SLC35F5: variants seen among roughly 807,000 people sequenced by gnomAD.
SLC35F5 encodes solute carrier family 35 member F5.
Under a neutral mutation model 68.6 loss-of-function variants are expected in SLC35F5, and 54 were observed. That is an observed-to-expected ratio of 0.79 (90% CI 0.63 to 0.99). SLC35F5 has a LOEUF of 0.99. Ranked by LOEUF, SLC35F5 falls within the 50% of genes least tolerant of loss-of-function variation. The pLI, the probability that SLC35F5 is intolerant of heterozygous loss-of-function variation, is 0.00. For synonymous variants in SLC35F5, 211 were observed against 205.2 expected, an observed-to-expected ratio of 1.03 and a Z score of -0.24; for missense variants, 567 against 626.9, an observed-to-expected ratio of 0.90 and a Z score of 1.02.
Position 113,710,712 on chromosome 2 carries a change from G to GT in SLC35F5, c.*4505dup, listed in dbSNP as rs1006499908. ...GATGGCTTGAGCTTGGGAGGTTGCA[G>GT]TGAGCCAAGATCCTGCCACTGCACT... On this transcript the variant is annotated 3_prime_UTR_variant, in exon 16 of 16. Coordinates refer to ENST00000245680, the MANE Select transcript of SLC35F5 (RefSeq NM_025181.5). 1.3e-5 allele frequency among the ~76,000 whole-genome samples: 2 copies of GT among 151,992 alleles called. No homozygotes were observed. Among genetic ancestry groups the GT allele is most frequent in the African/African-American group, 4.8e-5 (2 of 41,376 alleles).
At chr2:113,719,506 A>C (rs1687340170) in intron 13 of SLC35F5, 198 bp from the exon 14 acceptor site, 2 of 439,420 alleles carry the variant, frequency 4.6e-6, no homozygotes, top group Admixed American at 8.7e-5. Flanking sequence ...CATGCACCTA[A>C]ATTACCAACA....
At position 113,710,735 on chromosome 2, in the gene SLC35F5, A is replaced by C. The variant is rs1686956324; in HGVS notation, c.*4483T>G. On this transcript the variant is annotated 3_prime_UTR_variant, in exon 16 of 16. Coordinates refer to ENST00000245680, the MANE Select transcript of SLC35F5 (RefSeq NM_025181.5). ...CAGTGAGCCAAGATCCTGCCACTGC[A>C]CTCCAGCCTGGGTGACAGAGTGAGA... Among the ~76,000 whole-genome samples, 1 of 151,510 alleles carries C rather than the reference A, an allele frequency of 6.6e-6. No homozygotes were observed. Among genetic ancestry groups the C allele is most frequent in the Non-Finnish European group, 1.5e-5 (1 of 67,940 alleles).
At chr2:113,750,675 T>C (rs1676699866) in intron 3 of SLC35F5, 107 bp from the exon 4 acceptor site, 2 of 1,030,662 alleles carry the variant, frequency 1.9e-6, no homozygotes, top group Non-Finnish European at 2.7e-6. Context: ...GAAGTTCACT[T>C]GGAAAGAAAA....
intron 4 of SLC35F5, among the ~76,000 whole-genome samples, chr2:113,746,956 T>A (rs1676513508): frequency 6.8e-6 from 1 of 146,890 alleles, no homozygotes; most frequent in Non-Finnish European, 1.5e-5. Context: ...GTAAGAAACA[T>A]CTTGGTATTA....
downstream of SLC35F5, among the ~76,000 whole-genome samples, chr2:113,704,322 C>G (rs1047090155): frequency 6.6e-6 from 1 of 152,246 alleles, no homozygotes; most frequent in African/African-American, 2.4e-5. Context: ...CAAAGGTTCT[C>G]CAAGTCCCCA....
downstream of SLC35F5, among the ~76,000 whole-genome samples, chr2:113,704,707 CCCG>C (rs1347890411): frequency 6.6e-6 from 1 of 151,960 alleles, no homozygotes; most frequent in African/African-American, 2.4e-5. Context: ...GAGTGCGGGG[CCCG>C]CCGAGCCCAC....
At chr2:113,751,492 T>C (rs1574272663) in intron 3 of SLC35F5, among the ~76,000 whole-genome samples, 2 of 152,108 alleles carry the variant, frequency 1.3e-5, no homozygotes, top group Non-Finnish European at 2.9e-5. Context: ...TAAATGGTGG[T>C]CCACGCCATT....
At chr2:113,723,305 T>A in intron 12 of SLC35F5, 111 bp from the exon 13 acceptor site, 1 of 532,530 alleles carries the variant, frequency 1.9e-6, no homozygotes, top group Non-Finnish European at 3.1e-6. Flanking sequence ...GGAGCAAAGA[T>A]AAGAGGCTAG....
downstream of SLC35F5, among the ~76,000 whole-genome samples, chr2:113,704,498 C>T (rs576691086): frequency 1.3e-5 from 2 of 152,298 alleles, no homozygotes; most frequent in South Asian, 4.1e-4. Flanking sequence ...CAGGAGCCCA[C>T]GGAGCTGGGA....
In SLC35F5 at chr2:113,746,296, G is replaced by C. The variant is rs147851917; in HGVS notation, c.461C>G (p.Thr154Arg). 5.0e-6 allele frequency: 8 copies of C among 1,613,006 alleles called. No individual in the cohort carries two copies. The highest frequency in any genetic ancestry group is 1.3e-5 in the African/African-American group (1 of 74,914). The change falls in exon 5 of 16, where the codon ACA becomes AGA. Residue 154 changes from threonine to arginine, a missense_variant. Transcript: ENST00000245680. ...EGYFAACTTD[T>R]TMNSSLSEPL... is the part of the protein sequence containing the mutation. ...ACTTACCAAAGAACTATTCATAGTT[G>C]TATCTGTTGTGCAAGCAGCAAAGTA...
chr2:113,725,572 G>A, intron 11 of SLC35F5, 35 bp from the exon 12 acceptor site: 1 of 1,513,752 alleles, frequency 6.6e-7, no homozygotes, highest in African/African-American at 1.4e-5. Context: ...AGTTAAAATT[G>A]ATTTATTTCT....
chr2:113,755,875 A>C lies in SLC35F5; in HGVS notation c.41-331T>G, dbSNP rs1255113618. 4 of 1,550,650 alleles carry C rather than the reference A, an allele frequency of 2.6e-6. No individual in the cohort carries two copies. In the South Asian group the frequency reaches 4.8e-5, roughly 18 times the overall value. On this transcript the variant is annotated intron_variant, in intron 1 of 15. Transcript: ENST00000245680. The stretch of plus-strand genomic sequence containing the variant: ...TTCACCTCTCCATCCAGAGGAATCC[A>C]TCCCTGGGGACAGCGTCTAGACACT...
At chr2:113,748,073 G>T (rs1452571529) in intron 4 of SLC35F5, among the ~76,000 whole-genome samples, 4 of 152,170 alleles carry the variant, frequency 2.6e-5, no homozygotes, top group African/African-American at 9.7e-5. Flanking sequence ...GCCTGGACAA[G>T]AGAGTGAGAC....
intron 3 of SLC35F5, among the ~76,000 whole-genome samples, chr2:113,752,914 A>C (rs936440235): frequency 6.6e-6 from 1 of 152,178 alleles, no homozygotes; most frequent in Non-Finnish European, 1.5e-5. Flanking sequence ...TTTTCAGTTT[A>C]AAGTAAATAG....
chr2:113,734,518 G>T, intron 9 of SLC35F5, 68 bp downstream of exon 9: 2 of 874,462 alleles, frequency 2.3e-6, no homozygotes, highest in Non-Finnish European at 3.6e-6. Context: ...CTACCCTGGT[G>T]CCACTATCAG....
intron 15 of SLC35F5, among the ~76,000 whole-genome samples, chr2:113,715,927 A>G (rs1383857710): frequency 3.3e-5 from 5 of 152,078 alleles, no homozygotes; most frequent in African/African-American, 1.2e-4. Flanking sequence ...AACCTCACTA[A>G]AAAGGAAACA....
intron 7 of SLC35F5, among the ~76,000 whole-genome samples, chr2:113,738,266 T>C (rs1688164860): frequency 1.3e-5 from 2 of 152,200 alleles, no homozygotes; most frequent in South Asian, 4.1e-4. Flanking sequence ...TTCCCTACCA[T>C]TCTACTCTCT....
intron 11 of SLC35F5, among the ~76,000 whole-genome samples, chr2:113,728,933 C>T (rs892348001): frequency 6.6e-6 from 1 of 152,114 alleles, no homozygotes; most frequent in Non-Finnish European, 1.5e-5. Context: ...AGATAAAATG[C>T]AAATGAAAAG....
intron 11 of SLC35F5, among the ~76,000 whole-genome samples, chr2:113,727,204 T>G (rs538428510): frequency 1.1e-4 from 16 of 152,270 alleles, no homozygotes; most frequent in African/African-American, 2.9e-4. Context: ...CCCCTTCACC[T>G]TACGTCATGA....
Sources: allele counts gnomAD v4.1 joint callset (sites outside exome capture counted in the v4.1 genomes callset), GRCh38; gene constraint gnomAD v4.1.1; transcripts MANE v1.5; gene names NCBI Gene and HGNC (gene_info 2026-07-23, HGNC 2026-07-21).